Variants in NOC2L observed in about 807,000 individuals in gnomAD.
NOC2L encodes the protein nucleolar complex protein 2 homolog.
A neutral mutation model predicts 94.2 loss-of-function variants in NOC2L; 101 were observed. That is an observed-to-expected ratio of 1.07 (90% CI 0.91 to 1.26). The LOEUF (loss-of-function observed/expected upper bound fraction) is 1.26. Among genes scored for constraint, NOC2L ranks in the 50% most tolerant of loss-of-function variants. The pLI is 0.00. For missense variants in NOC2L, 1,076 were observed against 980.1 expected (o/e 1.10, Z -1.31); for synonymous variants, 531 against 413.4 (o/e 1.28, Z -3.45).
In NOC2L at chr1:956,989, C is replaced by T; in HGVS notation, c.391G>A (p.Glu131Lys). The change falls in exon 4 of 19, where the codon GAA (glutamate) becomes AAA (lysine). Residue 131 changes from glutamate (E) to lysine (K), a missense_variant. Transcript: ENST00000327044. Reference protein sequence around the residue: ...SEEEDGAEEGEDGDRVPRGLK... With the variant: ...SEEEDGAEEGKDGDRVPRGLK... ...CCTCTGGGGACTCTGTCCCCATCTTCTCCTTCCTCCGCTCCATCCTCCTCC... is the reference window on the plus strand; with the variant it reads ...CCTCTGGGGACTCTGTCCCCATCTTTTCCTTCCTCCGCTCCATCCTCCTCC... 2 of 1,614,114 alleles carry T rather than the reference C, an allele frequency of 1.2e-6. No individual in the cohort carries two copies. Among genetic ancestry groups the T allele is most frequent in the South Asian group, 2.2e-5 (2 of 91,090 alleles).
rs1273695182 is a variant in NOC2L, at chr1:944,266, T to C, written c.*428A>G. On this transcript the variant is annotated 3_prime_UTR_variant, in exon 19 of 19. Coordinates refer to ENST00000327044, the MANE Select transcript of NOC2L (RefSeq NM_015658.4). ...TCGGTTTCGGATGCAAAACAAAAAA[T>C]TTTAAAAGAAAATGTGACTTCAAAG... is the stretch of plus-strand genomic sequence containing the variant. 4 of 1,449,894 alleles carry C rather than the reference T, an allele frequency of 2.8e-6. No individual in the cohort carries two copies. The highest frequency in any genetic ancestry group is 2.5e-5 in the East Asian group (1 of 40,038). 89.8% of individuals were successfully genotyped at this position (1,449,894 alleles called of 1,614,324 possible). A position where few individuals can be genotyped will look rare whatever the true frequency, so the allele number is the denominator to read the frequency against.
intron 10 of NOC2L, 102 bp downstream of exon 10, chr1:952,310 C>T (rs1642281778): frequency 1.4e-6 from 2 of 1,478,242 alleles, no homozygotes; most frequent in Middle Eastern, 1.8e-4. Context: ...GGGCTGTCTC[C>T]AGACAGGGGC....
chr1:948,745 G>A (rs183088415), intron 12 of NOC2L, 142 bp from the exon 13 acceptor site: 476 of 25,890 alleles, frequency 0.018, 5 homozygotes, highest in Middle Eastern at 0.088. Flanking sequence ...GCTTCAGCAC[G>A]AGGAGACCCA....
intron 14 of NOC2L, among the ~76,000 whole-genome samples, chr1:947,671 G>C (rs987703813): frequency 6.6e-6 from 1 of 152,208 alleles, no homozygotes; most frequent in Non-Finnish European, 1.5e-5. Flanking sequence ...CTGACGTGGG[G>C]TATTTAGCGG....
chr1:944,937 C>T (rs1569930273), intron 18 of NOC2L, 120 bp downstream of exon 18: 1 of 1,522,852 alleles, frequency 6.6e-7, no homozygotes, highest in East Asian at 2.3e-5. Context: ...GAGCATTTGG[C>T]CTGGCCTTCC....
intron 15 of NOC2L, 46 bp from the exon 16 acceptor site, chr1:946,332 C>T: frequency 6.2e-7 from 1 of 1,611,094 alleles, no homozygotes; most frequent in Non-Finnish European, 8.5e-7. Flanking sequence ...CCTGGGCAAA[C>T]CCCCACATGT....
chr1:955,138 G>A (rs903868179), intron 6 of NOC2L, among the ~76,000 whole-genome samples: 13 of 152,218 alleles, frequency 8.5e-5, no homozygotes, highest in African/African-American at 2.4e-4. Context: ...CCTCCCAATC[G>A]CTGCCTGTCC....
At position 953,787 on chromosome 1, in the gene NOC2L, G is replaced by C. The variant is rs1557621046; in HGVS notation, c.883C>G (p.Leu295Val). 1 of 1,610,834 alleles carries C rather than the reference G, an allele frequency of 6.2e-7. No individual in the cohort carries two copies. The highest frequency in any genetic ancestry group is 1.3e-5 in the African/African-American group (1 of 74,984). Reference sequence around the variant, plus strand: ...GAGGGGACTGGGCCACGAACCTTGAGCAGCATGCGGCACTGCTTGGGGAAG... The same window carrying C: ...GAGGGGACTGGGCCACGAACCTTGACCAGCATGCGGCACTGCTTGGGGAAG... ...LTFPKQCRML[L>V]KRMVIVWSTG... Residue 295 changes from leucine to valine, a missense_variant, in exon 8 of 19, where the codon CTC (leucine) becomes GTC (valine). This residue lies in a region of NOC2L where 457 missense variants were observed against 386.0 expected (regional missense o/e 1.18). Transcript: ENST00000327044.
Position 946,425 on chromosome 1 carries a change from C to A in NOC2L, c.1780G>T (p.Gly594Cys), listed in dbSNP as rs1284000504. The A allele has an allele frequency of 1.2e-6, 2 of 1,613,530 alleles. No individual in the cohort carries two copies. Among genetic ancestry groups the A allele is most frequent in the African/African-American group, 1.3e-5 (1 of 75,042 alleles). Residue 594 changes from glycine (G) to cysteine (C), a missense_variant, in exon 15 of 19, where the codon GGC (glycine) becomes TGC (cysteine). Physicochemically the swap from Gly to Cys is radical, Grantham distance 159. Transcript: ENST00000327044. Reference protein sequence around the residue: ...ICSRRQRVSFGVSEQQAVEAW... With the variant: ...ICSRRQRVSFCVSEQQAVEAW... Reference sequence around the variant, plus strand: ...ACCACTGCCTGCTGCTCAGAGACGCCGAAGGAAACCCTCTGGCGGCGGCTG... The same window carrying A: ...ACCACTGCCTGCTGCTCAGAGACGCAGAAGGAAACCCTCTGGCGGCGGCTG...
At position 944,348 on chromosome 1, in the gene NOC2L, G is replaced by C. The variant is rs1642018651; in HGVS notation, c.*346C>G. 7.3e-7 allele frequency: 1 copy of C among 1,371,420 alleles called. No homozygotes were observed. The highest frequency in any genetic ancestry group is 3.5e-5 in the Admixed American group (1 of 28,320). The allele number at this position is 1,371,420 out of a possible 1,614,324, so 85.0% of individuals were successfully genotyped here. ...GTGAAGGCAGAGCCTGGTGCAGATG[G>C]ACGAGGTCTGCAGACGGAGGGCAGA... On this transcript the variant is annotated 3_prime_UTR_variant, in exon 19 of 19. Coordinates refer to ENST00000327044, the MANE Select transcript of NOC2L (RefSeq NM_015658.4).
intron 8 of NOC2L, 94 bp downstream of exon 8, chr1:953,688 C>T: frequency 1.1e-6 from 1 of 933,894 alleles, no homozygotes; most frequent in South Asian, 1.4e-5. Context: ...GTGTGGGCAC[C>T]ACCTGTGCCC....
intron 16 of NOC2L, 142 bp from the exon 17 acceptor site, chr1:945,795 C>T (rs1305654622): frequency 1.9e-6 from 2 of 1,071,046 alleles, no homozygotes; most frequent in Non-Finnish European, 2.7e-6. Context: ...ACAAAGCCAT[C>T]CTCCAAGTTG....
intron 12 of NOC2L, 98 bp downstream of exon 12, chr1:951,029 G>A (rs77573237): frequency 1.7e-5 from 16 of 928,150 alleles, no homozygotes; most frequent in Admixed American, 8.1e-5. Context: ...CCAGGGCTCC[G>A]GGAAGTCGCC....
In NOC2L at chr1:953,161, G is replaced by A. The variant is rs376530923; in HGVS notation, c.1002+14C>T. ...GCAGATGCTGAGGGACACAGACGCA[G>A]GGCCCACCACTACCTTGAGGACGGG... On this transcript the variant is annotated intron_variant, in intron 9 of 18. Coordinates refer to ENST00000327044, the MANE Select transcript of NOC2L (RefSeq NM_015658.4). The A allele has an allele frequency of 4.4e-5, 70 of 1,573,662 alleles. No individual in the cohort carries two copies. Among genetic ancestry groups the A allele is most frequent in the Admixed American group, 6.7e-5 (4 of 59,920 alleles).
chr1:950,775 A>G (rs1642238297), intron 12 of NOC2L, among the ~76,000 whole-genome samples: 1 of 152,152 alleles, frequency 6.6e-6, no homozygotes, highest in Non-Finnish European at 1.5e-5. Context: ...ATGCATACAC[A>G]TGCACACAAC....
chr1:953,361 T>C, intron 8 of NOC2L, 73 bp from the exon 9 acceptor site: 2 of 898,262 alleles, frequency 2.2e-6, no homozygotes, highest in East Asian at 2.6e-5. Flanking sequence ...AGCACAGCCC[T>C]CCCCAGCCAG....
chr1:946,027 C>T (rs1338822050), intron 16 of NOC2L, 146 bp downstream of exon 16: 1 of 655,374 alleles, frequency 1.5e-6, no homozygotes, highest in Non-Finnish European at 2.6e-6. Context: ...CCAACACCTA[C>T]CCCCTCTCCA....
chr1:951,567 C>G (rs1442462959), intron 11 of NOC2L, among the ~76,000 whole-genome samples: 1 of 152,222 alleles, frequency 6.6e-6, no homozygotes, highest in African/African-American at 2.4e-5. Flanking sequence ...ACAGATGCCC[C>G]CTCCTGGCCA....
chr1:958,771 G>A (rs1183789181), intron 2 of NOC2L, 158 bp downstream of exon 2: 2 of 785,500 alleles, frequency 2.5e-6, no homozygotes, highest in Admixed American at 2.0e-5. Flanking sequence ...CAGGAGCTCA[G>A]TAAACATCGG....
Sources: gnomAD v4.1 joint callset for allele counts (sites outside exome capture counted in the v4.1 genomes callset) on GRCh38, gnomAD v4.1.1 for gene constraint, gnomAD v4.1.1 regional missense constraint, MANE v1.5 for transcripts, NCBI Gene and HGNC (gene_info 2026-07-23, HGNC 2026-07-21) for gene names.